The following DNAH14 variants were observed in gnomAD, a reference collection of about 807,000 sequenced individuals.
The protein encoded by DNAH14 is dynein axonemal heavy chain 14, also known as axonemal beta dynein heavy chain 14.
Under a neutral mutation model 520.9 loss-of-function variants are expected in DNAH14, and 478 were observed. The observed-to-expected ratio is 0.92, with a 90% CI of 0.85 to 0.99. DNAH14 has a LOEUF of 0.99. Ranked by LOEUF, DNAH14 falls within the 50% of genes least tolerant of loss-of-function variation. The probability of loss-of-function intolerance (pLI) is 0.00; values close to 1 mark genes in which losing one functional copy is unlikely to be tolerated. For synonymous variants in DNAH14, 1,581 were observed against 1,757.2 expected (o/e 0.90, Z 2.51); for missense variants, 4,831 against 5,234.5 (o/e 0.92, Z 2.38).
intron 8 of DNAH14, among the ~76,000 whole-genome samples, chr1:224,997,590 T>G (rs946105749): frequency 6.6e-6 from 1 of 152,122 alleles, no homozygotes; most frequent in African/African-American, 2.4e-5. Flanking sequence ...AATAAAGGCC[T>G]GAGACCCTGT....
chr1:225,085,223 G>T (rs1250215212), intron 20 of DNAH14, among the ~76,000 whole-genome samples: 1 of 152,078 alleles, frequency 6.6e-6, no homozygotes, highest in South Asian at 2.1e-4. Flanking sequence ...TGGCATTAGG[G>T]CAGAGGAAAG....
At chr1:225,044,078 G>C in intron 15 of DNAH14, 95 bp downstream of exon 15, 1 of 678,696 alleles carries the variant, frequency 1.5e-6, no homozygotes, top group Non-Finnish European at 2.4e-6. Flanking sequence ...GGATGTGGCA[G>C]ATGTTACAGA....
chr1:225,263,217 T>C (rs2092997954), intron 46 of DNAH14, among the ~76,000 whole-genome samples: 1 of 146,734 alleles, frequency 6.8e-6, no homozygotes, highest in South Asian at 2.2e-4. Flanking sequence ...CACATATATA[T>C]ACATGTATAT....
At chr1:225,346,798 T>A (rs1472337290) in intron 71 of DNAH14, 144 bp downstream of exon 71, 14 of 578,958 alleles carry the variant, frequency 2.4e-5, no homozygotes, top group Admixed American at 1.0e-4. Flanking sequence ...TACTCAATAA[T>A]TTTTTAATGA....
intron 1 of DNAH14, among the ~76,000 whole-genome samples, chr1:224,944,013 A>G (rs375369410): frequency 2.3e-4 from 35 of 152,162 alleles, no homozygotes; most frequent in South Asian, 6.2e-4. Context: ...TATTAGGTCC[A>G]CTTGGTGCAG....
intron 10 of DNAH14, among the ~76,000 whole-genome samples, chr1:225,021,574 C>T (rs1264377175): frequency 6.6e-6 from 1 of 151,962 alleles, no homozygotes; most frequent in African/African-American, 2.4e-5. Context: ...ATACAGTTAA[C>T]CAAGGTGGTG....
At chr1:224,956,826 A>T (rs915597717) in intron 3 of DNAH14, among the ~76,000 whole-genome samples, 17 of 152,084 alleles carry the variant, frequency 1.1e-4, no homozygotes, top group Admixed American at 9.8e-4. Context: ...GACCTTACAG[A>T]TAGCTGTGTT....
chr1:225,365,940 T>G lies in DNAH14; in HGVS notation c.12090+1046T>G, dbSNP rs183762916. ...TAATTAGTGCATACATAAAACTTTA[T>G]GGGAGTTTTTCATATGCCATTATTT... On this transcript the variant is annotated intron_variant, in intron 76 of 85. Transcript: ENST00000682510. Among the ~76,000 whole-genome samples, 6 of 152,348 alleles carry G rather than the reference T, an allele frequency of 3.9e-5. No individual in the cohort carries two copies. The East Asian group carries it at 1.2e-3, about 29-fold the overall frequency.
intron 1 of DNAH14, among the ~76,000 whole-genome samples, chr1:224,951,555 C>G (rs1174674661): frequency 6.6e-6 from 1 of 150,742 alleles, no homozygotes; most frequent in Non-Finnish European, 1.5e-5. Context: ...GACTAGGACT[C>G]TTTCTGCACC....
intron 41 of DNAH14, among the ~76,000 whole-genome samples, chr1:225,215,331 G>A (rs1168842529): frequency 6.6e-6 from 1 of 152,148 alleles, no homozygotes; most frequent in Non-Finnish European, 1.5e-5. Context: ...TTCCAACTAT[G>A]TGGTAAATTT....
chr1:225,303,628 C>A (rs1014299935), intron 57 of DNAH14, among the ~76,000 whole-genome samples: 20 of 152,184 alleles, frequency 1.3e-4, no homozygotes, highest in African/African-American at 4.1e-4. Context: ...TGAAGGAAAA[C>A]AGTCTCCATT....
chr1:225,210,027 T>G (rs1411324591), intron 41 of DNAH14, among the ~76,000 whole-genome samples: 2 of 151,966 alleles, frequency 1.3e-5, no homozygotes, highest in Admixed American at 6.5e-5. Context: ...TTCCCTTGGG[T>G]GCCTACACCA....
At chr1:225,322,071 CT>C (rs1209172928) in intron 61 of DNAH14, among the ~76,000 whole-genome samples, 67 of 109,722 alleles carry the variant, frequency 6.1e-4, no homozygotes, top group African/African-American at 1.7e-3. Flanking sequence ...GAAGACTTTT[CT>C]TTTTTTTTCT....
At chr1:225,322,196 T>C (rs375954759) in intron 61 of DNAH14, among the ~76,000 whole-genome samples, 1 of 142,330 alleles carries the variant, frequency 7.0e-6, no homozygotes, top group African/African-American at 2.6e-5. Context: ...GTTCAAGCAA[T>C]TCTCCTGCTT....
At chr1:225,230,045 A>T (rs2090951930) in intron 41 of DNAH14, among the ~76,000 whole-genome samples, 1 of 152,182 alleles carries the variant, frequency 6.6e-6, no homozygotes, top group Non-Finnish European at 1.5e-5. Context: ...TTGGTGAGCT[A>T]TTTGACATTA....
chr1:225,022,391 T>C (rs1343949983), intron 10 of DNAH14, among the ~76,000 whole-genome samples: 1 of 151,416 alleles, frequency 6.6e-6, no homozygotes, highest in Non-Finnish European at 1.5e-5. Flanking sequence ...TAAGGCTCTT[T>C]AACACCCCAA....
rs1233193911 is a variant in DNAH14, at chr1:225,367,928, C to G, written c.12214C>G (p.Leu4072Val). 4 of 1,551,374 alleles carry G rather than the reference C, an allele frequency of 2.6e-6. No homozygotes were observed. Among genetic ancestry groups the G allele is most frequent in the Non-Finnish European group, 3.5e-6 (4 of 1,146,862 alleles). The stretch of plus-strand genomic sequence containing the variant: ...TGACTGTGGACAATGGTGGAAAAAA[C>G]TTTTATTTAGCCTATGTTTTTTCAA... ...NPDCGQWWKK[L>V]LFSLCFFNAV... Residue 4072 changes from leucine (L) to valine (V), a missense_variant, in exon 77 of 86, where the codon CTT becomes GTT. Coordinates refer to ENST00000682510, the MANE Select transcript of DNAH14 (RefSeq NM_001367479.1).
intron 54 of DNAH14, among the ~76,000 whole-genome samples, chr1:225,278,363 C>T (rs1010730375): frequency 1.3e-5 from 2 of 152,120 alleles, no homozygotes; most frequent in African/African-American, 4.8e-5. Flanking sequence ...ATCAAGAAGC[C>T]CTGGTGATAC....
intron 26 of DNAH14, among the ~76,000 whole-genome samples, chr1:225,120,205 A>C (rs2077179458): frequency 6.6e-6 from 1 of 152,152 alleles, no homozygotes; most frequent in Non-Finnish European, 1.5e-5. Context: ...TTGGAGATGG[A>C]ATCATAGCGG....
Sources: gnomAD v4.1 joint callset for allele counts (sites outside exome capture counted in the v4.1 genomes callset) on GRCh38, gnomAD v4.1.1 for gene constraint, MANE v1.5 for transcripts, NCBI Gene and HGNC (gene_info 2026-07-23, HGNC 2026-07-21) for gene names.